Variants in RGL1 observed in about 807,000 individuals in gnomAD.
The protein encoded by RGL1 is ral guanine nucleotide dissociation stimulator-like 1.
RGL1 carries 24 observed loss-of-function variants against 95.2 expected under a neutral mutation model. The observed-to-expected ratio is 0.25, with a 90% CI of 0.18 to 0.35. The LOEUF (loss-of-function observed/expected upper bound fraction) is 0.35, where lower values mean the gene tolerates loss of function less well. Among genes scored for constraint, RGL1 ranks in the 10% least tolerant of loss-of-function variants. The pLI is 1.00. For missense variants in RGL1, 715 were observed against 936.3 expected (o/e 0.76, Z 3.08); for synonymous variants, 329 against 344.9 (o/e 0.95, Z 0.51).
At chr1:183,767,107 C>T (rs913473894) in intron 2 of RGL1, among the ~76,000 whole-genome samples, 1 of 151,516 alleles carries the variant, frequency 6.6e-6, no homozygotes, top group African/African-American at 2.4e-5. Flanking sequence ...ATAGTCCCAG[C>T]TACTCGGGAG....
At chr1:183,688,115 C>A (rs1653725100) in intron 1 of RGL1, among the ~76,000 whole-genome samples, 1 of 152,034 alleles carries the variant, frequency 6.6e-6, no homozygotes, top group African/African-American at 2.4e-5. Flanking sequence ...ATAATTCTTA[C>A]AATTATAAAG....
Position 183,888,476 on chromosome 1 carries a change from A to G in RGL1, c.954A>G (p.Glu318=), listed in dbSNP as rs1205013641. ...IIEKWINIAH[E]CRLLKNFSSL... is the part of the protein sequence containing the mutation. ...TGTTTTAATCACTCCCCATGCAGGA[A>G]TGTAGACTCCTGAAGAATTTTTCCT... The change falls in exon 8 of 18, where the codon GAA becomes GAG. Residue 318 remains glutamate (E), a splice_region_variant and synonymous_variant. Coordinates refer to ENST00000360851, the MANE Select transcript of RGL1 (RefSeq NM_001297671.3). The G allele has an allele frequency of 6.3e-7, 1 of 1,576,728 alleles. No homozygotes were observed. The highest frequency in any genetic ancestry group is 1.7e-5 in the Admixed American group (1 of 59,936).
chr1:183,871,165 C>T (rs1471989757), intron 4 of RGL1, among the ~76,000 whole-genome samples: 1 of 152,194 alleles, frequency 6.6e-6, no homozygotes, highest in East Asian at 1.9e-4. Context: ...TTTGAGAGTA[C>T]GGTACCTTCG....
chr1:183,648,864 C>G, intron 1 of RGL1: 1 of 1,092,558 alleles, frequency 9.2e-7, no homozygotes, highest in Non-Finnish European at 1.3e-6. Flanking sequence ...AAACTGAAGA[C>G]AGTGCATTAA....
intron 1 of RGL1, among the ~76,000 whole-genome samples, chr1:183,669,535 A>T (rs901373640): frequency 6.6e-6 from 1 of 152,112 alleles, no homozygotes; most frequent in Admixed American, 6.5e-5. Context: ...GTCTCTTCAG[A>T]TCTTTAAACT....
intron 12 of RGL1, among the ~76,000 whole-genome samples, chr1:183,903,785 C>CA (rs2102705225): frequency 6.6e-6 from 1 of 152,148 alleles, no homozygotes; most frequent in South Asian, 2.1e-4. Flanking sequence ...AAGTTAAAAC[C>CA]AAAAAGGCAT....
chr1:183,877,798 G>A (rs531115180), intron 4 of RGL1, among the ~76,000 whole-genome samples: 97 of 152,324 alleles, frequency 6.4e-4, no homozygotes, highest in African/African-American at 2.2e-3. Context: ...GATCGCCAGA[G>A]TTCATTAAAA....
intron 2 of RGL1, among the ~76,000 whole-genome samples, chr1:183,846,651 G>A (rs538675075): frequency 2.6e-5 from 4 of 152,182 alleles, no homozygotes; most frequent in Admixed American, 6.5e-5. Context: ...AGGCTGAGGC[G>A]GGCGTATCAC....
intron 2 of RGL1, among the ~76,000 whole-genome samples, chr1:183,822,020 A>G (rs1381305971): frequency 6.6e-6 from 1 of 152,144 alleles, no homozygotes; most frequent in Non-Finnish European, 1.5e-5. Context: ...TTACAGTACA[A>G]AAGATGTAGG....
At chr1:183,878,979 C>G (rs532581022) in intron 4 of RGL1, among the ~76,000 whole-genome samples, 1 of 152,264 alleles carries the variant, frequency 6.6e-6, no homozygotes, top group South Asian at 2.1e-4. Flanking sequence ...AACTCTTTTT[C>G]TGTAAAAGTC....
At chr1:183,652,092 G>A (rs1216949955) in intron 1 of RGL1, among the ~76,000 whole-genome samples, 1 of 152,166 alleles carries the variant, frequency 6.6e-6, no homozygotes, top group Admixed American at 6.5e-5. Context: ...AGAACCAAAA[G>A]GCACTTTTCT....
intron 1 of RGL1, among the ~76,000 whole-genome samples, chr1:183,660,134 A>T (rs1315340725): frequency 3.3e-5 from 5 of 152,228 alleles, no homozygotes; most frequent in Non-Finnish European, 7.3e-5. Flanking sequence ...CGAGGCTAGG[A>T]AGAAACTGCA....
intron 4 of RGL1, among the ~76,000 whole-genome samples, chr1:183,867,208 G>A (rs1033814579): frequency 1.1e-4 from 16 of 152,170 alleles, no homozygotes; most frequent in African/African-American, 3.9e-4. Context: ...ACTGAATGTG[G>A]CTTCCTGGGA....
chr1:183,750,170 A>T (rs1415857973), intron 2 of RGL1, among the ~76,000 whole-genome samples: 1 of 152,040 alleles, frequency 6.6e-6, no homozygotes, highest in Non-Finnish European at 1.5e-5. Flanking sequence ...ACTTGGTTCC[A>T]TTCTCCCCAT....
At chr1:183,667,182 C>T (rs1260174388) in intron 1 of RGL1, among the ~76,000 whole-genome samples, 1 of 152,074 alleles carries the variant, frequency 6.6e-6, no homozygotes, top group African/African-American at 2.4e-5. Context: ...CATGGTATAT[C>T]TTTCTTTATC....
chr1:183,912,129 A>T lies in RGL1; in HGVS notation c.1610A>T (p.Glu537Val), dbSNP rs755858893. Residue 537 changes from glutamate to valine, a missense_variant, in exon 15 of 18, where the codon GAG (glutamate) becomes GTG (valine). This residue lies in a region of RGL1 where 330 missense variants were observed against 429.6 expected (regional missense o/e 0.77). Transcript: ENST00000360851. ...DMITSPTPTK[E>V]QPKSTASGSS... is the part of the protein sequence containing the mutation. ...ATCACCAGTCCCACTCCCACCAAAG[A>T]GCAGCCCAAGTCCACTGCCAGCGGG... is the stretch of plus-strand genomic sequence containing the variant. The T allele has an allele frequency of 6.2e-7, 1 of 1,613,914 alleles. No homozygotes were observed. The highest frequency in any genetic ancestry group is 8.5e-7 in the Non-Finnish European group (1 of 1,179,996).
chr1:183,865,118 ACTC>A (rs953390773), intron 3 of RGL1, among the ~76,000 whole-genome samples: 6 of 152,026 alleles, frequency 3.9e-5, no homozygotes, highest in Non-Finnish European at 8.8e-5. Flanking sequence ...TTAATTAAAG[ACTC>A]CTCCTTAATA....
chr1:183,800,196 C>T (rs1660915090), upstream of RGL1, among the ~76,000 whole-genome samples: 1 of 152,140 alleles, frequency 6.6e-6, no homozygotes, highest in Non-Finnish European at 1.5e-5. Flanking sequence ...TTTAATTCTT[C>T]TTGCAGCCAG....
chr1:183,871,639 AAATATGGATTT>A (rs1666190209), intron 4 of RGL1, among the ~76,000 whole-genome samples: 1 of 152,224 alleles, frequency 6.6e-6, no homozygotes. Flanking sequence ...CTGTATTTCC[AAATATGGATTT>A]AAACCTTTCA....
Sources: allele counts gnomAD v4.1 joint callset (sites outside exome capture counted in the v4.1 genomes callset), GRCh38; gene constraint gnomAD v4.1.1; regional missense constraint gnomAD v4.1.1; transcripts MANE v1.5; gene names NCBI Gene and HGNC (gene_info 2026-07-23, HGNC 2026-07-21).